The following GSE1 variants were observed in gnomAD, a reference collection of about 807,000 sequenced individuals.
GSE1 encodes the protein Gse1 coiled-coil protein.
Under a neutral mutation model 112.6 loss-of-function variants are expected in GSE1, and 32 were observed. The observed-to-expected ratio is 0.28, with a 90% CI of 0.21 to 0.38. The LOEUF is 0.38. GSE1 is among the 10% of genes least tolerant of loss of function. The pLI is 1.00. For synonymous variants in GSE1, 1,115 were observed against 735.6 expected, an observed-to-expected ratio of 1.52 and a Z score of -8.35; for missense variants, 2,348 against 1,699.2, an observed-to-expected ratio of 1.38 and a Z score of -6.71.
chr16:85,626,492 C>T (rs376683005), intron 1 of GSE1, among the ~76,000 whole-genome samples: 2 of 152,222 alleles, frequency 1.3e-5, no homozygotes, highest in Non-Finnish European at 2.9e-5. Flanking sequence ...ACATTTCTTT[C>T]TGCGGTAATG....
In GSE1 at chr16:85,656,115, A is replaced by T. The variant is rs557938860; in HGVS notation, c.989+198A>T. ...TGTCTCGGTAGCCGTGGTCTCCTGCAGTAAACCTGCAGGCCGAGGAGCTCT... is the reference window on the plus strand; with the variant it reads ...TGTCTCGGTAGCCGTGGTCTCCTGCTGTAAACCTGCAGGCCGAGGAGCTCT... On this transcript the variant is annotated intron_variant, in intron 6 of 15. Coordinates refer to ENST00000253458, the MANE Select transcript of GSE1 (RefSeq NM_014615.5). 4.9e-4 allele frequency among the ~76,000 whole-genome samples: 75 copies of T among 152,298 alleles called. 3 individuals are homozygous for T. The South Asian group carries it at 0.015, about 31-fold the overall frequency.
Position 85,279,501 on chromosome 16 carries a change from A to G in GSE1, c.2284-77962A>G, listed in dbSNP as rs371794790. On this transcript the variant is annotated intron_variant, in intron 1 of 2. Coordinates refer to the GSE1 transcript ENST00000637419. Reference sequence around the variant, plus strand: ...GTGTGCCTGTGTTCCCAGCCACTCAAGGGGGGATCACTTGAGCCCAGGAGG... The same window carrying G: ...GTGTGCCTGTGTTCCCAGCCACTCAGGGGGGGATCACTTGAGCCCAGGAGG... Among the ~76,000 whole-genome samples the G allele has an allele frequency of 8.6e-3, 1,301 of 152,052 alleles. 22 individuals carry two copies. The highest frequency in any genetic ancestry group is 0.03 in the African/African-American group (1,239 of 41,462).
At chr16:85,197,220 G>A (rs1042815277) in intron 1 of GSE1, among the ~76,000 whole-genome samples, 1 of 152,132 alleles carries the variant, frequency 6.6e-6, no homozygotes, top group Admixed American at 6.5e-5. Context: ...AGCCACTTGG[G>A]GATCCACGTG....
In GSE1 at chr16:85,668,240, C is replaced by G; in HGVS notation, c.3231C>G (p.Pro1077=). The G allele has an allele frequency of 1.2e-6, 2 of 1,611,294 alleles. No homozygotes were observed. The highest frequency in any genetic ancestry group is 2.2e-5 in the East Asian group (1 of 44,864). The change falls in exon 14 of 16, where the codon CCC becomes CCG. Residue 1077 remains proline (P), a synonymous_variant. Coordinates refer to ENST00000253458, the MANE Select transcript of GSE1 (RefSeq NM_014615.5). ...AGTCCTCCAGCCGCGCCCCTCCACC[C>G]CAGCACAATGGGCAGCAGGAGCCCC... is the stretch of plus-strand genomic sequence containing the variant. ...ELQSSSRAPP[P]QHNGQQEPPT... is the part of the protein sequence containing the mutation.
rs201414196 is a variant in GSE1, at chr16:85,654,325, G to T, written c.474G>T (p.Val158=). The T allele has an allele frequency of 4.3e-6, 7 of 1,611,024 alleles. No homozygotes were observed. Among genetic ancestry groups the T allele is most frequent in the Non-Finnish European group, 5.1e-6 (6 of 1,179,372 alleles). The change falls in exon 4 of 16, where the codon GTG becomes GTT. Residue 158 remains valine, a synonymous_variant. Coordinates refer to ENST00000253458, the MANE Select transcript of GSE1 (RefSeq NM_014615.5). ...GTGGAGGTCGGGAACGCCTCATTGT[G>T]GAGCCCCCGCTCCCTCAGGAGAAGG... ...SSSGGRERLI[V]EPPLPQEKAG...
chr16:85,314,047 T>A (rs1488666107), intron 1 of GSE1, among the ~76,000 whole-genome samples: 2 of 151,520 alleles, frequency 1.3e-5, no homozygotes, highest in African/African-American at 4.9e-5. Context: ...TGTGTGTGTG[T>A]CACAGCTGTT....
chr16:85,494,944 C>G (rs986561011), intron 2 of GSE1, among the ~76,000 whole-genome samples: 3 of 102,858 alleles, frequency 2.9e-5, no homozygotes, highest in African/African-American at 1.3e-4. Context: ...GCATCGGACT[C>G]CTGCTGCTTG....
intron 2 of GSE1, among the ~76,000 whole-genome samples, chr16:85,465,999 T>C (rs79220208): frequency 0.026 from 3,960 of 152,344 alleles, 178 homozygotes; most frequent in African/African-American, 0.091. Context: ...TTCCAAGTCC[T>C]GTGGGTGGAT....
intron 1 of GSE1, among the ~76,000 whole-genome samples, chr16:85,598,163 G>GGTT: frequency 8.4e-5 from 12 of 143,626 alleles, no homozygotes; most frequent in South Asian, 2.2e-4. Flanking sequence ...CCTGAGGTTT[G>GGTT]GTTGTTTTTT....
intron 1 of GSE1, among the ~76,000 whole-genome samples, chr16:85,247,483 G>A (rs1003893910): frequency 6.6e-6 from 1 of 152,188 alleles, no homozygotes; most frequent in Admixed American, 6.5e-5. Flanking sequence ...CCAGAGAGGA[G>A]GACGGGATGA....
intron 1 of GSE1, among the ~76,000 whole-genome samples, chr16:85,246,410 C>T (rs1174378165): frequency 7.3e-6 from 1 of 136,118 alleles, no homozygotes; most frequent in Non-Finnish European, 1.6e-5. Context: ...TGTCTACACA[C>T]ACACACACAC....
chr16:85,621,103 G>T (rs968853543), intron 1 of GSE1, among the ~76,000 whole-genome samples: 3 of 151,712 alleles, frequency 2.0e-5, no homozygotes, highest in African/African-American at 7.3e-5. Context: ...TGGGGAACCC[G>T]TGTAGATGGT....
At chr16:85,626,797 A>C (rs8052653) in intron 1 of GSE1, among the ~76,000 whole-genome samples, 7,378 of 151,982 alleles carry the variant, frequency 0.049, 628 homozygotes, top group African/African-American at 0.17. Flanking sequence ...GGCGGCTGGC[A>C]CGCTGATTAA....
chr16:85,640,067 C>T (rs1027903507), intron 2 of GSE1, among the ~76,000 whole-genome samples: 6 of 152,178 alleles, frequency 3.9e-5, no homozygotes, highest in East Asian at 1.9e-4. Flanking sequence ...GCTGGAGAGC[C>T]GCCGTCTGGA....
intron 1 of GSE1, among the ~76,000 whole-genome samples, chr16:85,226,764 TG>T (rs1433943882): frequency 1.6e-4 from 4 of 24,898 alleles, no homozygotes; most frequent in South Asian, 2.7e-3. Flanking sequence ...GACTGGTGTG[TG>T]TGTGTGTGTG....
chr16:85,175,026 C>T (rs78667489), intron 1 of GSE1, among the ~76,000 whole-genome samples: 1,545 of 148,354 alleles, frequency 0.01, 28 homozygotes, highest in African/African-American at 0.036. Flanking sequence ...GAACCATGAT[C>T]TCTGCTGCTT....
chr16:85,503,736 C>T (rs2051445481), intron 2 of GSE1, among the ~76,000 whole-genome samples: 1 of 152,192 alleles, frequency 6.6e-6, no homozygotes, highest in Non-Finnish European at 1.5e-5. Context: ...TCGCCGATGA[C>T]AGACCCTGTA....
rs140166536 is a variant in GSE1 at position 85,357,394 on chromosome 16, G to A, written c.2284-69G>A. ...GGGAGGAATGGCACCTATGGCCAGA[G>A]AGTCCATTCATGCATCATCCCCTGC... On this transcript the variant is annotated intron_variant, in intron 1 of 2. Coordinates refer to the GSE1 transcript ENST00000637419. The A allele has an allele frequency of 8.1e-6, 8 of 982,318 alleles. No individual in the cohort carries two copies. In the African/African-American group the frequency reaches 1.2e-4, roughly 15 times the overall value. 60.9% of individuals were successfully genotyped at this position (982,318 alleles called of 1,614,324 possible).
At chr16:85,212,540 A>C (rs1479305313) in intron 1 of GSE1, among the ~76,000 whole-genome samples, 1 of 152,236 alleles carries the variant, frequency 6.6e-6, no homozygotes, top group East Asian at 1.9e-4. Context: ...GTGTAAGGAC[A>C]TGGGGAAGAC....
Sources: allele counts gnomAD v4.1 joint callset (sites outside exome capture counted in the v4.1 genomes callset), GRCh38; gene constraint gnomAD v4.1.1; transcripts MANE v1.5; gene names NCBI Gene and HGNC (gene_info 2026-07-23, HGNC 2026-07-21).